The following ADGRF5 variants were observed in gnomAD, a reference collection of about 807,000 sequenced individuals.
ADGRF5 encodes adhesion G protein-coupled receptor F5, also known as G-protein coupled receptor 116.
Under a neutral mutation model 132.3 loss-of-function variants are expected in ADGRF5, and 75 were observed. The observed-to-expected ratio is 0.57, with a 90% CI of 0.47 to 0.69. The LOEUF is 0.69. Ranked by LOEUF, ADGRF5 falls within the 30% of genes least tolerant of loss-of-function variation. The probability of loss-of-function intolerance (pLI) is 0.00; values close to 1 mark genes in which losing one functional copy is unlikely to be tolerated. For synonymous variants in ADGRF5, 629 were observed against 597.6 expected (o/e 1.05, Z -0.77); for missense variants, 1,516 against 1,630.6 (o/e 0.93, Z 1.21).
intron 6 of ADGRF5, among the ~76,000 whole-genome samples, chr6:46,882,750 T>C (rs968941689): frequency 1.3e-5 from 2 of 152,218 alleles, no homozygotes; most frequent in African/African-American, 4.8e-5. Flanking sequence ...TGCAGACATA[T>C]TACATGCCAG....
intron 1 of ADGRF5, among the ~76,000 whole-genome samples, chr6:46,929,037 G>A: frequency 6.6e-6 from 1 of 152,140 alleles, no homozygotes; most frequent in Non-Finnish European, 1.5e-5. Flanking sequence ...AAAGACACAT[G>A]CACACGTAAG....
intron 6 of ADGRF5, 60 bp from the exon 7 acceptor site, chr6:46,882,167 G>T (rs1772550980): frequency 1.8e-6 from 2 of 1,117,520 alleles, no homozygotes; most frequent in Admixed American, 1.7e-5. Context: ...TGTATCAAAA[G>T]ATCTGAAGCA....
chr6:46,941,765 G>A (rs879389063), intron 1 of ADGRF5, among the ~76,000 whole-genome samples: 4 of 151,948 alleles, frequency 2.6e-5, no homozygotes, highest in Non-Finnish European at 5.9e-5. Context: ...GCAGATAGAT[G>A]GGCTGCTAGG....
intron 1 of ADGRF5, among the ~76,000 whole-genome samples, chr6:46,950,931 A>G (rs541997384): frequency 1.3e-5 from 2 of 152,308 alleles, no homozygotes; most frequent in East Asian, 3.9e-4. Flanking sequence ...AGATACAATC[A>G]CTTGTTCAAG....
At position 46,888,323 on chromosome 6, in the gene ADGRF5, T is replaced by A; in HGVS notation, c.328+12A>T. On this transcript the variant is annotated intron_variant, in intron 4 of 20. Coordinates refer to ENST00000283296, the MANE Select transcript of ADGRF5 (RefSeq NM_001098518.2). ...CAATCATTTATTCTGAAGCAATGGG[T>A]CTCTTACTCACCTGTTGTCACATTT... 1 of 1,576,912 alleles carries A rather than the reference T, an allele frequency of 6.3e-7. No individual in the cohort carries two copies.
chr6:46,915,692 T>C (rs1233882665), intron 1 of ADGRF5, among the ~76,000 whole-genome samples: 1 of 151,940 alleles, frequency 6.6e-6, no homozygotes, highest in African/African-American at 2.4e-5. Flanking sequence ...CCATATAATG[T>C]GTGTGCTATT....
intron 1 of ADGRF5, among the ~76,000 whole-genome samples, chr6:46,953,657 A>ATATATATATG (rs1778596028): frequency 2.3e-5 from 1 of 43,972 alleles, no homozygotes; most frequent in Non-Finnish European, 5.8e-5. Context: ...ATGTGTATAT[A>ATATATATATG]TATATATATA....
At position 46,943,023 on chromosome 6, in the gene ADGRF5, C is replaced by T. The variant is rs1237834054; in HGVS notation, c.-25+11711G>A. On this transcript the variant is annotated intron_variant, in intron 1 of 20. Coordinates refer to the ADGRF5 transcript ENST00000265417. ...CTTGTTTTTGAAGGATAATCCATTACAATAAATAAAGTCTGCATGTCCCTG... is the reference window on the plus strand; with the variant it reads ...CTTGTTTTTGAAGGATAATCCATTATAATAAATAAAGTCTGCATGTCCCTG... 4.0e-5 allele frequency among the ~76,000 whole-genome samples: 6 copies of T among 151,878 alleles called. 1 individual carries two copies. The South Asian group carries it at 1.0e-3, about 26-fold the overall frequency.
At chr6:46,872,751 C>T (rs1413941608) in intron 10 of ADGRF5, among the ~76,000 whole-genome samples, 2 of 152,110 alleles carry the variant, frequency 1.3e-5, no homozygotes, top group African/African-American at 4.8e-5. Context: ...ATTTTTCCTA[C>T]TCTAGTCCCT....
chr6:46,920,429 T>C (rs1239304252), intron 1 of ADGRF5, among the ~76,000 whole-genome samples: 4 of 151,156 alleles, frequency 2.6e-5, no homozygotes, highest in Non-Finnish European at 5.9e-5. Flanking sequence ...TGAGAATTTA[T>C]TGTACTCCTG....
At chr6:46,906,523 T>G (rs1775386299) in intron 2 of ADGRF5, 138 bp downstream of exon 2, 1 of 625,302 alleles carries the variant, frequency 1.6e-6, no homozygotes, top group African/African-American at 1.8e-5. Context: ...ACATTTTTTC[T>G]TATGTTGCAA....
chr6:46,884,052 G>A (rs1772788392), intron 5 of ADGRF5, 43 bp downstream of exon 5: 1 of 1,522,686 alleles, frequency 6.6e-7, no homozygotes, highest in Non-Finnish European at 9.1e-7. Context: ...GTAAACTGAT[G>A]TTGAATAGCC....
At chr6:46,949,296 A>T (rs983591539) in intron 1 of ADGRF5, among the ~76,000 whole-genome samples, 2 of 152,238 alleles carry the variant, frequency 1.3e-5, no homozygotes, top group African/African-American at 2.4e-5. Context: ...GGTCAGAAAC[A>T]TGTGAGGGTC....
chr6:46,872,096 A>T (rs747559519), intron 10 of ADGRF5, 83 bp from the exon 11 acceptor site: 3 of 950,616 alleles, frequency 3.2e-6, no homozygotes, highest in African/African-American at 1.7e-5. Flanking sequence ...TTTTTTTTTC[A>T]TAAAAGGAGT....
At chr6:46,910,496 C>T (rs1261230467) in intron 1 of ADGRF5, among the ~76,000 whole-genome samples, 5 of 152,048 alleles carry the variant, frequency 3.3e-5, no homozygotes, top group Admixed American at 6.6e-5. Flanking sequence ...AGGGTTACGC[C>T]CTCTAACCCT....
chr6:46,950,808 T>A (rs1009036590), intron 1 of ADGRF5, among the ~76,000 whole-genome samples: 2 of 152,194 alleles, frequency 1.3e-5, no homozygotes, highest in African/African-American at 4.8e-5. Flanking sequence ...CCACTGCGCC[T>A]GGCTGACTTG....
intron 10 of ADGRF5, among the ~76,000 whole-genome samples, chr6:46,873,619 G>C (rs1345627456): frequency 3.3e-5 from 5 of 151,906 alleles, no homozygotes; most frequent in Non-Finnish European, 7.4e-5. Flanking sequence ...TCTCTCTGCA[G>C]GCAATCTCAT....
chr6:46,894,917 G>A lies in ADGRF5; in HGVS notation c.157+5112C>T, dbSNP rs1251843642. 2.0e-5 allele frequency among the ~76,000 whole-genome samples: 3 copies of A among 152,180 alleles called. No individual in the cohort carries two copies. The East Asian group carries it at 5.8e-4, about 29-fold the overall frequency. On this transcript the variant is annotated intron_variant, in intron 3 of 20. Transcript: ENST00000283296. The stretch of plus-strand genomic sequence containing the variant: ...TTAAGGGCCTGGTGTGGAGGCTTAC[G>A]CCTGTAATACCAGCACTTTAGGAAG...
intron 3 of ADGRF5, among the ~76,000 whole-genome samples, chr6:46,896,163 G>A (rs1403354192): frequency 6.6e-6 from 1 of 152,010 alleles, no homozygotes; most frequent in Non-Finnish European, 1.5e-5. Context: ...ATAACCATGG[G>A]GATACTTTTC....
Sources: allele counts gnomAD v4.1 joint callset (sites outside exome capture counted in the v4.1 genomes callset), GRCh38; gene constraint gnomAD v4.1.1; transcripts MANE v1.5; gene names NCBI Gene and HGNC (gene_info 2026-07-23, HGNC 2026-07-21).